ZBTB21: variants seen among roughly 807,000 people sequenced by gnomAD.
ZBTB21 encodes the protein zinc finger and BTB domain-containing protein 21.
In ZBTB21, 10 loss-of-function variants were observed where a neutral mutation model predicts 39.8. The observed-to-expected ratio is 0.25, with a 90% CI of 0.16 to 0.43. The LOEUF is 0.43. Ranked by LOEUF, ZBTB21 falls within the 20% of genes least tolerant of loss-of-function variation. The probability of loss-of-function intolerance (pLI) is 1.00; values close to 1 mark genes in which losing one functional copy is unlikely to be tolerated. For missense variants in ZBTB21, 1,221 were observed against 1,296.3 expected (o/e 0.94, Z 0.89); for synonymous variants, 551 against 498.8 (o/e 1.10, Z -1.40).
At position 41,993,649 on chromosome 21, in the gene ZBTB21, G is replaced by A. The variant is rs987984427; in HGVS notation, c.447C>T (p.Val149=). 1.7e-5 allele frequency: 28 copies of A among 1,614,056 alleles called. No individual in the cohort carries two copies. Among genetic ancestry groups the A allele is most frequent in the Middle Eastern group, 1.6e-4 (1 of 6,084 alleles). ...CTTCGTTTCTACTTTGACAAACAAT[G>A]ACACTTCTCTTTTGAGAACTGTTTT... ...DDENSSQKRS[V]IVCQSRNEAQ... Residue 149 remains valine (V), a synonymous_variant, in exon 3 of 3, where the codon GTC becomes GTT. Transcript: ENST00000310826.
intron 1 of ZBTB21, among the ~76,000 whole-genome samples, chr21:42,008,972 G>T (rs2065919646): frequency 1.3e-5 from 2 of 152,138 alleles, no homozygotes; most frequent in South Asian, 4.1e-4. Context: ...TTTCTAAAAT[G>T]GATTAACCCA....
chr21:42,006,596 G>C (rs894689932), intron 1 of ZBTB21, among the ~76,000 whole-genome samples: 1 of 152,006 alleles, frequency 6.6e-6, no homozygotes, highest in Admixed American at 6.5e-5. Flanking sequence ...ACACTACTCA[G>C]AATATTAATC....
At position 41,991,295 on chromosome 21, in the gene ZBTB21, A is replaced by G; in HGVS notation, c.2801T>C (p.Val934Ala). 6.2e-7 allele frequency: 1 copy of G among 1,613,202 alleles called. No individual in the cohort carries two copies. The highest frequency in any genetic ancestry group is 8.5e-7 in the Non-Finnish European group (1 of 1,179,404). Residue 934 changes from valine to alanine, a missense_variant, in exon 3 of 3, where the codon GTG (valine) becomes GCG (alanine). Physicochemically the swap from Val to Ala is moderately conservative, Grantham distance 64 (BLOSUM62 0). Around this residue, in one of 4 missense-constraint regions of ZBTB21, gnomAD observed 523 missense variants for 542.5 expected, o/e 0.96. Coordinates refer to ENST00000310826, the MANE Select transcript of ZBTB21 (RefSeq NM_001098402.2). This position sits in a 1 kb window ranked among gnomAD's most constrained non-coding sequence, Gnocchi z 4.9. ...LERHQELLCSVKPFICHVCNK... is the reference protein window; with the variant it reads ...LERHQELLCSAKPFICHVCNK... ...GCACACGTGACAAATAAATGGTTTC[A>G]CAGAGCACAGAAGCTCCTGGTGACG...
Position 41,988,782 on chromosome 21 carries a change from CAAT to C in ZBTB21, c.*2110_*2112del, listed in dbSNP as rs1236216596. On this transcript the variant is annotated 3_prime_UTR_variant, in exon 3 of 3. Coordinates refer to ENST00000310826, the MANE Select transcript of ZBTB21 (RefSeq NM_001098402.2). ...AATATTTTTTTTTTTTACTGATTAA[CAAT>C]ATTATTTTTAAAAAATCTTCGAAAA... The C allele has an allele frequency of 6.6e-6, 1 of 151,172 alleles. No homozygotes were observed. Among genetic ancestry groups the C allele is most frequent in the Non-Finnish European group, 1.5e-5 (1 of 67,784 alleles). The allele number at this position is 151,172 out of a possible 1,614,324, so 9.4% of individuals were successfully genotyped here. A position where few individuals can be genotyped will look rare whatever the true frequency, so the allele number is the denominator to read the frequency against.
intron 2 of ZBTB21, among the ~76,000 whole-genome samples, chr21:41,998,643 T>C (rs1200237352): frequency 6.6e-6 from 1 of 152,196 alleles, no homozygotes; most frequent in Non-Finnish European, 1.5e-5. Flanking sequence ...CCCAGCTCAT[T>C]TGTAGGTTCT....
At chr21:41,998,516 AT>A (rs894742633) in intron 2 of ZBTB21, among the ~76,000 whole-genome samples, 3 of 152,082 alleles carry the variant, frequency 2.0e-5, no homozygotes, top group Non-Finnish European at 4.4e-5. Context: ...ATAATGCCAT[AT>A]TTTCTTTCAA....
At chr21:41,994,695 A>C (rs1461642391) in intron 2 of ZBTB21, among the ~76,000 whole-genome samples, 1 of 152,172 alleles carries the variant, frequency 6.6e-6, no homozygotes, top group East Asian at 1.9e-4. Context: ...TCCTGGGCTC[A>C]AGCAATCCTC....
intron 1 of ZBTB21, among the ~76,000 whole-genome samples, 196 bp from the exon 2 acceptor site, chr21:42,003,157 C>T (rs1386653266): frequency 6.6e-6 from 1 of 152,236 alleles, no homozygotes; most frequent in Non-Finnish European, 1.5e-5. Flanking sequence ...ACACTACCCA[C>T]CACATAGGAT....
intron 2 of ZBTB21, among the ~76,000 whole-genome samples, chr21:41,997,074 A>T (rs1369462212): frequency 6.6e-6 from 1 of 152,010 alleles, no homozygotes; most frequent in Non-Finnish European, 1.5e-5. Flanking sequence ...GACTAATTAC[A>T]CCTGGGTAAT....
chr21:41,993,627 C>CG lies in ZBTB21; in HGVS notation c.468dup (p.Glu157ArgfsTer8). ...TGACTAACAGTTTTTCCTTGCGCTT[C>CG]GTTTCTACTTTGACAAACAATGACA... On this transcript the variant is annotated frameshift_variant, in exon 3 of 3. Coordinates refer to ENST00000310826, the MANE Select transcript of ZBTB21 (RefSeq NM_001098402.2). LOFTEE classifies it low-confidence loss of function (END_TRUNC). The CG allele has an allele frequency of 6.2e-7, 1 of 1,614,204 alleles. No individual in the cohort carries two copies. The highest frequency in any genetic ancestry group is 8.5e-7 in the Non-Finnish European group (1 of 1,180,024).
At chr21:41,997,083 ATTTTT>A (rs1024276366) in intron 2 of ZBTB21, among the ~76,000 whole-genome samples, 2 of 151,988 alleles carry the variant, frequency 1.3e-5, no homozygotes, top group East Asian at 3.9e-4. Context: ...CACCTGGGTA[ATTTTT>A]TTTATTTTTT....
At chr21:42,009,952 G>A (rs1050305084) in intron 1 of ZBTB21, among the ~76,000 whole-genome samples, 4 of 152,326 alleles carry the variant, frequency 2.6e-5, no homozygotes, top group African/African-American at 7.2e-5. Context: ...CCAGGGTGAA[G>A]AGTGAAGCCC....
intron 1 of ZBTB21, chr21:42,008,050 A>T (rs1328834637): frequency 6.6e-6 from 1 of 152,252 alleles, no homozygotes; most frequent in Non-Finnish European, 1.5e-5. Context: ...CTGCTCCCAC[A>T]TCTGTTTGTC....
At chr21:42,004,695 G>A (rs536386672) in intron 1 of ZBTB21, among the ~76,000 whole-genome samples, 1 of 152,142 alleles carries the variant, frequency 6.6e-6, no homozygotes, top group Non-Finnish European at 1.5e-5. Flanking sequence ...GGGTCCTTTG[G>A]AATGTTGGGG....
In ZBTB21 at chr21:41,988,477, AAAGT is replaced by A. The variant is rs1449556630; in HGVS notation, c.*2414_*2417del. ...ACATTCTTAAAAAACTTTACTGAAT[AAAGT>A]AATTAACATATCTTTCATTATTTTA... On this transcript the variant is annotated 3_prime_UTR_variant, in exon 3 of 3. Transcript: ENST00000310826. 3 of 152,242 alleles carry A rather than the reference AAAGT, an allele frequency of 2.0e-5. No homozygotes were observed. The highest frequency in any genetic ancestry group is 1.9e-4 in the East Asian group (1 of 5,208). 9.4% of individuals were successfully genotyped at this position (152,242 alleles called of 1,614,324 possible). A position where few individuals can be genotyped will look rare whatever the true frequency, so the allele number is the denominator to read the frequency against.
Position 41,993,077 on chromosome 21 carries a change from A to G in ZBTB21, c.1019T>C (p.Leu340Pro). ...GCTATCCATCGACAATGACCGTCTG[A>G]GGAGACTCTTAACAAGTGGGCCACT... Reference protein sequence around the residue: ...DRSGPLVKSLLRRSLSMDSQV... With the variant: ...DRSGPLVKSLPRRSLSMDSQV... The change falls in exon 3 of 3, where the codon CTC (leucine) becomes CCC (proline). Residue 340 changes from leucine to proline, a missense_variant. Physicochemically the swap from Leu to Pro is moderately conservative, Grantham distance 98. Coordinates refer to ENST00000310826, the MANE Select transcript of ZBTB21 (RefSeq NM_001098402.2). The G allele has an allele frequency of 6.2e-7, 1 of 1,614,258 alleles. No individual in the cohort carries two copies. Among genetic ancestry groups the G allele is most frequent in the Admixed American group, 1.7e-5 (1 of 60,036 alleles).
intron 2 of ZBTB21, among the ~76,000 whole-genome samples, chr21:41,995,925 G>A (rs914347550): frequency 5.9e-5 from 9 of 152,238 alleles, no homozygotes; most frequent in Non-Finnish European, 1.2e-4. Context: ...CGGCTTCCAT[G>A]TGGTGTTAAG....
chr21:42,007,330 T>C (rs2065890504), intron 1 of ZBTB21, among the ~76,000 whole-genome samples: 1 of 152,252 alleles, frequency 6.6e-6, no homozygotes, highest in African/African-American at 2.4e-5. Context: ...ATCACTGCCC[T>C]GCTTTGGAGT....
chr21:42,003,274 T>C (rs1270366308), intron 1 of ZBTB21, among the ~76,000 whole-genome samples: 2 of 152,240 alleles, frequency 1.3e-5, no homozygotes, highest in East Asian at 3.8e-4. Flanking sequence ...CCCTCACAGA[T>C]GCTTGCGTGG....
Sources: allele counts gnomAD v4.1 joint callset (sites outside exome capture counted in the v4.1 genomes callset), GRCh38; gene constraint gnomAD v4.1.1; regional missense constraint gnomAD v4.1.1; non-coding constraint Gnocchi (gnomAD v3.1); transcripts MANE v1.5; gene names NCBI Gene and HGNC (gene_info 2026-07-23, HGNC 2026-07-21).